Variants in NR4A3 observed in about 807,000 individuals in gnomAD.
The protein encoded by NR4A3 is chondrosarcoma, extraskeletal myxoid, fused to EWS.
A neutral mutation model predicts 55.6 loss-of-function variants in NR4A3; 13 were observed. That is an observed-to-expected ratio of 0.23 (90% confidence interval 0.15 to 0.37). The LOEUF (loss-of-function observed/expected upper bound fraction) is 0.37, where lower values mean the gene tolerates loss of function less well. Ranked by LOEUF, NR4A3 falls within the 10% of genes least tolerant of loss-of-function variation. NR4A3 has a pLI of 1.00. For missense variants in NR4A3, 646 were observed against 822.8 expected (o/e 0.79, Z 2.63); for synonymous variants, 342 against 357.9 (o/e 0.96, Z 0.50).
At chr9:99,830,448 T>C (rs1827417037) in intron 3 of NR4A3, among the ~76,000 whole-genome samples, 1 of 152,200 alleles carries the variant, frequency 6.6e-6, no homozygotes, top group Non-Finnish European at 1.5e-5. Context: ...TTTGTAAAAA[T>C]GCACATTTGT....
chr9:99,863,532 A>G, intron 7 of NR4A3, 88 bp from the exon 8 acceptor site: 1 of 1,483,360 alleles, frequency 6.7e-7, no homozygotes, highest in Non-Finnish European at 9.1e-7. Context: ...AAACTGGCAG[A>G]ATGAGACACA....
intron 5 of NR4A3, among the ~76,000 whole-genome samples, chr9:99,838,001 G>A (rs1022107236): frequency 6.6e-6 from 1 of 152,188 alleles, no homozygotes; most frequent in African/African-American, 2.4e-5. Flanking sequence ...CTGGCTCTGG[G>A]ACCTTCAGTT....
rs1267918576 is a variant in NR4A3, at chr9:99,822,848, G to A, written c.-177+441G>A. The stretch of plus-strand genomic sequence containing the variant: ...CTTTTAAGTAGGATTGAAAATAGGA[G>A]CTCTGGTGGGTCCAAGTAAATGTTG... On this transcript the variant is annotated intron_variant, in intron 1 of 7. Coordinates refer to ENST00000395097, the MANE Select transcript of NR4A3 (RefSeq NM_006981.4). This position sits in a 1 kb window ranked among gnomAD's most constrained non-coding sequence, Gnocchi z 4.9. Among the ~76,000 whole-genome samples, 1 of 152,190 alleles carries A rather than the reference G, an allele frequency of 6.6e-6. No homozygotes were observed. Among genetic ancestry groups the A allele is most frequent in the African/African-American group, 2.4e-5 (1 of 41,434 alleles).
chr9:99,860,380 A>G (rs1827992350), intron 7 of NR4A3, among the ~76,000 whole-genome samples: 1 of 152,178 alleles, frequency 6.6e-6, no homozygotes, highest in Non-Finnish European at 1.5e-5. Context: ...TTGTCTTGGT[A>G]ATAGATAATG....
At chr9:99,844,569 C>T (rs1392588650) in intron 5 of NR4A3, 80 bp from the exon 6 acceptor site, 2 of 1,153,060 alleles carry the variant, frequency 1.7e-6, no homozygotes, top group Non-Finnish European at 2.6e-6. Flanking sequence ...CATTGATGGT[C>T]TTGGAAGGGC....
intron 5 of NR4A3, 52 bp from the exon 6 acceptor site, chr9:99,844,597 C>A: frequency 6.8e-7 from 1 of 1,478,876 alleles, no homozygotes; most frequent in Non-Finnish European, 9.4e-7. Flanking sequence ...CAAGTGATGC[C>A]ATCATCCCCA....
intron 7 of NR4A3, among the ~76,000 whole-genome samples, chr9:99,851,080 T>G (rs941284667): frequency 3.3e-5 from 5 of 152,232 alleles, no homozygotes; most frequent in African/African-American, 1.2e-4. Context: ...GTGGTGTCTT[T>G]GGGCCTCCCC....
intron 5 of NR4A3, among the ~76,000 whole-genome samples, chr9:99,837,952 T>C (rs1481231062): frequency 3.3e-5 from 5 of 152,196 alleles, no homozygotes; most frequent in Admixed American, 6.5e-5. Flanking sequence ...ATGAATGTTT[T>C]AGAGGCCAGA....
At chr9:99,823,170 G>A (rs951456847) in intron 1 of NR4A3, among the ~76,000 whole-genome samples, 1 of 152,156 alleles carries the variant, frequency 6.6e-6, no homozygotes, top group African/African-American at 2.4e-5. Flanking sequence ...GGCTCGGTGT[G>A]GGAAAGGCAT....
In NR4A3 at chr9:99,832,826, T is replaced by C. The variant is rs1277623564; in HGVS notation, c.1081+8T>C. The C allele has an allele frequency of 6.5e-7, 1 of 1,538,476 alleles. No individual in the cohort carries two copies. The highest frequency in any genetic ancestry group is 1.9e-5 in the Admixed American group (1 of 53,512). Reference sequence around the variant, plus strand: ...TTGGAATGGTAAAAGAAGGTATGGATATAATGCTTTTTACCCAGTTTGCTT... The same window carrying C: ...TTGGAATGGTAAAAGAAGGTATGGACATAATGCTTTTTACCCAGTTTGCTT... On this transcript the variant is annotated splice_region_variant and intron_variant, in intron 4 of 7. Coordinates refer to ENST00000395097, the MANE Select transcript of NR4A3 (RefSeq NM_006981.4).
intron 7 of NR4A3, among the ~76,000 whole-genome samples, chr9:99,851,767 G>A (rs1028203570): frequency 2.0e-5 from 3 of 152,202 alleles, no homozygotes; most frequent in Admixed American, 2.0e-4. Context: ...AGTAATGCAA[G>A]TGCTTTGAAT....
chr9:99,866,734 A>T lies in NR4A3; in HGVS notation c.*2867A>T. The T allele has an allele frequency of 1.4e-5, 3 of 222,168 alleles. No individual in the cohort carries two copies. 13.8% of individuals were successfully genotyped at this position (222,168 alleles called of 1,614,324 possible). On this transcript the variant is annotated 3_prime_UTR_variant, in exon 8 of 8. Coordinates refer to ENST00000395097, the MANE Select transcript of NR4A3 (RefSeq NM_006981.4). ...AGGAAGCCACCAGCTGTTAATGGAG[A>T]GTGCCTTGCTTTTATTTCAGACAGC...
intron 3 of NR4A3, among the ~76,000 whole-genome samples, chr9:99,830,002 C>G (rs1827408497): frequency 1.3e-5 from 2 of 152,242 alleles, no homozygotes; most frequent in Admixed American, 6.5e-5. Context: ...TTTTGCTGTG[C>G]TACCTTTTGC....
chr9:99,852,718 TC>T lies in NR4A3; in HGVS notation c.1633+5105del, dbSNP rs1827870646. ...CTTTCTCGTCTGACTCTAGTCTTTT[TC>T]CTGGTCTTATTGAAACACGACCTCT... On this transcript the variant is annotated intron_variant, in intron 7 of 7. Coordinates refer to ENST00000395097, the MANE Select transcript of NR4A3 (RefSeq NM_006981.4). Among the ~76,000 whole-genome samples the T allele has an allele frequency of 2.6e-5, 4 of 152,280 alleles. No homozygotes were observed. The South Asian group carries it at 8.3e-4, about 32-fold the overall frequency.
rs1225688080 is a variant in NR4A3, at chr9:99,828,333, T to C, written c.291T>C (p.His97=). ...GGCGGGCGCCCAGCTACCATCACCA[T>C]CACCACCACCACCACCACCACCACC... is the stretch of plus-strand genomic sequence containing the variant. ...EEGRAPSYHH[H]HHHHHHHHHH... is the part of the protein sequence containing the mutation. Residue 97 remains histidine (H), a synonymous_variant, in exon 3 of 8, where the codon CAT becomes CAC. Coordinates refer to ENST00000395097, the MANE Select transcript of NR4A3 (RefSeq NM_006981.4). The surrounding 1 kb of genome is among the most constrained non-coding windows in gnomAD (Gnocchi z 7.7). 5 of 1,605,016 alleles carry C rather than the reference T, an allele frequency of 3.1e-6. No homozygotes were observed. The highest frequency in any genetic ancestry group is 1.7e-5 in the Admixed American group (1 of 59,588).
intron 5 of NR4A3, among the ~76,000 whole-genome samples, chr9:99,836,553 C>G (rs1827563200): frequency 6.6e-6 from 1 of 152,178 alleles, no homozygotes; most frequent in African/African-American, 2.4e-5. Flanking sequence ...TTGGGGGAAA[C>G]AGAAATATGT....
At chr9:99,826,806 G>A (rs1422014752) in intron 2 of NR4A3, 1 of 1,612,560 alleles carries the variant, frequency 6.2e-7, no homozygotes, top group East Asian at 2.2e-5. Flanking sequence ...ATGTGGGTAA[G>A]AGAAAGATGT....
intron 5 of NR4A3, chr9:99,834,891 G>C (rs1827528756): frequency 1.0e-6 from 1 of 984,906 alleles, no homozygotes; most frequent in African/African-American, 1.7e-5. Flanking sequence ...CTACAATCAA[G>C]TCTCAAATAA....
At chr9:99,853,033 G>C (rs959779323) in intron 7 of NR4A3, among the ~76,000 whole-genome samples, 1 of 152,218 alleles carries the variant, frequency 6.6e-6, no homozygotes, top group African/African-American at 2.4e-5. Flanking sequence ...GGAGATCTGA[G>C]TTCAGGTCTT....
Sources: gnomAD v4.1 joint callset for allele counts (sites outside exome capture counted in the v4.1 genomes callset) on GRCh38, gnomAD v4.1.1 for gene constraint, Gnocchi (gnomAD v3.1) non-coding constraint, MANE v1.5 for transcripts, NCBI Gene and HGNC (gene_info 2026-07-23, HGNC 2026-07-21) for gene names.